The following RECK variants were observed in gnomAD, a reference collection of about 807,000 sequenced individuals.
The protein encoded by RECK is reversion-inducing cysteine-rich protein with Kazal motifs.
RECK carries 69 observed loss-of-function variants against 115.1 expected under a neutral mutation model. The ratio of observed to expected loss-of-function variants is 0.60; its 90% CI spans 0.49 to 0.73. The LOEUF is 0.73. RECK is among the 30% of genes least tolerant of loss of function. RECK has a pLI of 0.00. For missense variants in RECK, 1,047 were observed against 1,203.7 expected, an observed-to-expected ratio of 0.87 and a Z score of 1.93; for synonymous variants, 414 against 419.7, an observed-to-expected ratio of 0.99 and a Z score of 0.17.
rs748319854 is a variant in RECK at position 36,122,954 on chromosome 9, C to T, written c.2825C>T (p.Ser942Leu). Reference sequence around the variant, plus strand: ...GTACAGGTCTCCAGCAGTGTGCCATCGGCCGGTGTCAGGGCCAGGCCTTCT... The same window carrying T: ...GTACAGGTCTCCAGCAGTGTGCCATTGGCCGGTGTCAGGGCCAGGCCTTCT... ...SQVQVSSSVP[S>L]AGVRARPSCH... Residue 942 changes from serine (S) to leucine (L), a missense_variant, in exon 21 of 21, where the codon TCG becomes TTG. Physicochemically the swap from Ser to Leu is moderately radical, Grantham distance 145. Transcript: ENST00000377966. The T allele has an allele frequency of 1.3e-5, 21 of 1,614,062 alleles. No individual in the cohort carries two copies. The highest frequency in any genetic ancestry group is 1.2e-4 in the Admixed American group (7 of 60,004).
chr9:36,087,276 T>C (rs754090404), intron 8 of RECK, among the ~76,000 whole-genome samples: 4 of 151,022 alleles, frequency 2.6e-5, no homozygotes, highest in Non-Finnish European at 5.9e-5. Context: ...ATAAAGAAAA[T>C]GTGGCACATC....
At chr9:36,082,486 C>G (rs1355304788) in intron 7 of RECK, among the ~76,000 whole-genome samples, 2 of 152,048 alleles carry the variant, frequency 1.3e-5, no homozygotes, top group African/African-American at 4.8e-5. Flanking sequence ...ACCTCTTCCT[C>G]CCATACCTCT....
chr9:36,077,702 A>G (rs187098524), intron 6 of RECK, among the ~76,000 whole-genome samples: 39 of 152,360 alleles, frequency 2.6e-4, no homozygotes, highest in African/African-American at 9.4e-4. Context: ...CAAAAGGTCT[A>G]TTAATGAACA....
intron 6 of RECK, among the ~76,000 whole-genome samples, chr9:36,071,128 T>G (rs1362015704): frequency 6.6e-6 from 1 of 152,244 alleles, no homozygotes; most frequent in African/African-American, 2.4e-5. Context: ...ATTGGCTGAT[T>G]AGAACTAAAG....
At chr9:36,079,093 C>G (rs1037230290) in intron 6 of RECK, among the ~76,000 whole-genome samples, 1 of 152,052 alleles carries the variant, frequency 6.6e-6, no homozygotes, top group African/African-American at 2.4e-5. Context: ...CAGGGTTTCT[C>G]CATGTTTTTC....
rs574155567 is a variant in RECK, at chr9:36,070,248, G to A, written c.405+4624G>A. ...AAAACATAGTAACAGTAGCATTTAT[G>A]TTGGGAAAGGAATTTGAAGAAATTG... On this transcript the variant is annotated intron_variant, in intron 6 of 20. Coordinates refer to ENST00000377966, the MANE Select transcript of RECK (RefSeq NM_021111.3). Among the ~76,000 whole-genome samples the A allele has an allele frequency of 4.6e-5, 7 of 152,278 alleles. No individual in the cohort carries two copies. The South Asian group carries it at 1.2e-3, about 27-fold the overall frequency.
chr9:36,073,200 A>T (rs1335188442), intron 6 of RECK, among the ~76,000 whole-genome samples: 1 of 135,928 alleles, frequency 7.4e-6, no homozygotes, highest in East Asian at 2.2e-4. Context: ...CCTCCCTTCC[A>T]CCCCTAAACA....
chr9:36,065,304 A>G (rs142102483), intron 5 of RECK, among the ~76,000 whole-genome samples: 523 of 151,992 alleles, frequency 3.4e-3, no homozygotes, highest in African/African-American at 0.012. Context: ...CTGAAATAAC[A>G]AAAGGACTGT....
intron 12 of RECK, 94 bp downstream of exon 12, chr9:36,102,324 G>A (rs1360718940): frequency 9.0e-7 from 1 of 1,106,558 alleles, no homozygotes; most frequent in African/African-American, 1.6e-5. Flanking sequence ...GCATTTATCT[G>A]TTGAGAACAT....
At chr9:36,082,704 A>G (rs533645085) in intron 7 of RECK, among the ~76,000 whole-genome samples, 2 of 152,332 alleles carry the variant, frequency 1.3e-5, no homozygotes, top group East Asian at 1.9e-4. Context: ...GAAGCAGGAC[A>G]TATCAATTGT....
rs1167314899 is a variant in RECK at position 36,063,840 on chromosome 9, A to G, written c.317A>G (p.Glu106Gly). 2 of 1,613,980 alleles carry G rather than the reference A, an allele frequency of 1.2e-6. No individual in the cohort carries two copies. The highest frequency in any genetic ancestry group is 1.7e-6 in the Non-Finnish European group (2 of 1,179,956). Residue 106 changes from glutamate to glycine, a missense_variant, in exon 5 of 21, where the codon GAA becomes GGA. Glu to Gly is a moderately conservative substitution (Grantham distance 98, BLOSUM62 -2). Coordinates refer to ENST00000377966, the MANE Select transcript of RECK (RefSeq NM_021111.3). ...GGCTGGGTTGGCTTAGGCTGCTGTG[A>G]ACTGGCTATTGCCTTGGAGTGTCGA... ...SDGWVGLGCC[E>G]LAIALECRQA...
rs1390793582 is a variant in RECK at position 36,063,847 on chromosome 9, T to G, written c.324T>G (p.Ala108=). 6.2e-7 allele frequency: 1 copy of G among 1,614,080 alleles called. No homozygotes were observed. Among genetic ancestry groups the G allele is most frequent in the Admixed American group, 1.7e-5 (1 of 60,008 alleles). Residue 108 remains alanine, a synonymous_variant, in exon 5 of 21, where the codon GCT becomes GCG. Transcript: ENST00000377966. ...GWVGLGCCEL[A]IALECRQACK... is the part of the protein sequence containing the mutation. The stretch of plus-strand genomic sequence containing the variant: ...TTGGCTTAGGCTGCTGTGAACTGGC[T>G]ATTGCCTTGGAGTGTCGACAGGCAT...
chr9:36,091,334 T>A lies in RECK; in HGVS notation c.1076T>A (p.Phe359Tyr). 1 of 1,532,576 alleles carries A rather than the reference T, an allele frequency of 6.5e-7. No individual in the cohort carries two copies. The highest frequency in any genetic ancestry group is 1.3e-5 in the South Asian group (1 of 78,262). 94.9% of individuals were successfully genotyped at this position (1,532,576 alleles called of 1,614,324 possible). Residue 359 changes from phenylalanine (F) to tyrosine (Y), a missense_variant, in exon 10 of 21, where the codon TTT becomes TAT. Transcript: ENST00000377966. ...AGAAACCTTACTTACTGTACTAATT[T>A]TAACAACAGGTAAGACAAATTATTA... Reference protein sequence around the residue: ...GCRNLTYCTNFNNRPTELFRS... With the variant: ...GCRNLTYCTNYNNRPTELFRS...
At chr9:36,046,339 T>A (rs1442482827) in intron 1 of RECK, among the ~76,000 whole-genome samples, 1 of 152,366 alleles carries the variant, frequency 6.6e-6, no homozygotes, top group East Asian at 1.9e-4. Context: ...AAATGCCACA[T>A]TAATTGCATT....
At position 36,036,934 on chromosome 9, in the gene RECK, G is replaced by A; in HGVS notation, c.-65G>A. 1 of 1,091,080 alleles carries A rather than the reference G, an allele frequency of 9.2e-7. No individual in the cohort carries two copies. The allele number at this position is 1,091,080 out of a possible 1,614,324, so 67.6% of individuals were successfully genotyped here. A position where few individuals can be genotyped will look rare whatever the true frequency, so the allele number is the denominator to read the frequency against. ...CCTCGCGCGAGCGGCGGCGGTAGCG[G>A]CGGCAGCGGCTGCGGCCAAGCTGGG... is the stretch of plus-strand genomic sequence containing the variant. On this transcript the variant is annotated 5_prime_UTR_variant, in exon 1 of 21. Transcript: ENST00000377966.
intron 6 of RECK, among the ~76,000 whole-genome samples, chr9:36,077,958 A>T (rs1822516868): frequency 6.6e-6 from 1 of 152,208 alleles, no homozygotes; most frequent in Admixed American, 6.5e-5. Context: ...CCATAGTCGC[A>T]GGTACTTGGG....
chr9:36,063,905 A>C (rs766201870), intron 5 of RECK, 25 bp downstream of exon 5: 1 of 1,608,184 alleles, frequency 6.2e-7, no homozygotes, highest in East Asian at 2.2e-5. Context: ...TCAGGCTCTC[A>C]AACATCATGG....
chr9:36,082,908 G>A (rs554605178), intron 7 of RECK, among the ~76,000 whole-genome samples: 1 of 152,196 alleles, frequency 6.6e-6, no homozygotes, highest in East Asian at 1.9e-4. Flanking sequence ...ATTTTGGTTT[G>A]GTTTGGTTTT....
intron 7 of RECK, among the ~76,000 whole-genome samples, chr9:36,082,152 T>TTCTCTCTCTCTCTCTCTC (rs71508008): frequency 0.015 from 1,733 of 113,582 alleles, 71 homozygotes; most frequent in East Asian, 0.031. Context: ...CCTCCCTGCT[T>TTCTCTCTCTCTCTCTCTC]TCTCTCTCTC....
Sources: gnomAD v4.1 joint callset for allele counts (sites outside exome capture counted in the v4.1 genomes callset) on GRCh38, gnomAD v4.1.1 for gene constraint, MANE v1.5 for transcripts, NCBI Gene and HGNC (gene_info 2026-07-23, HGNC 2026-07-21) for gene names.